The following SAMD4A variants were observed in gnomAD, a reference collection of about 807,000 sequenced individuals.
The protein encoded by SAMD4A is sterile alpha motif domain containing 4A.
SAMD4A carries 33 observed loss-of-function variants against 81.3 expected under a neutral mutation model. The ratio of observed to expected loss-of-function variants is 0.41; its 90% CI spans 0.31 to 0.54. The LOEUF (loss-of-function observed/expected upper bound fraction) is 0.54, where lower values mean the gene tolerates loss of function less well. Ranked by LOEUF, SAMD4A falls within the 20% of genes least tolerant of loss-of-function variation. SAMD4A has a pLI of 0.37. For synonymous variants in SAMD4A, 389 were observed against 382.1 expected, an observed-to-expected ratio of 1.02 and a Z score of -0.21; for missense variants, 854 against 951.1, an observed-to-expected ratio of 0.90 and a Z score of 1.34.
At chr14:54,730,313 G>A (rs1470846765) in intron 3 of SAMD4A, among the ~76,000 whole-genome samples, 1 of 152,146 alleles carries the variant, frequency 6.6e-6, no homozygotes, top group Non-Finnish European at 1.5e-5. Flanking sequence ...GTGTGTATTT[G>A]TCATCCCTGT....
intron 3 of SAMD4A, among the ~76,000 whole-genome samples, chr14:54,733,840 A>C (rs1481806449): frequency 6.6e-6 from 1 of 151,930 alleles, no homozygotes; most frequent in Non-Finnish European, 1.5e-5. Context: ...AAAAAAAAAA[A>C]ACTTCTGCCC....
intron 2 of SAMD4A, among the ~76,000 whole-genome samples, chr14:54,598,328 A>G (rs771926987): frequency 1.3e-5 from 2 of 152,214 alleles, no homozygotes; most frequent in African/African-American, 2.4e-5. Context: ...CTACAAATAT[A>G]TACATGTAGT....
intron 2 of SAMD4A, among the ~76,000 whole-genome samples, chr14:54,657,150 C>T (rs1054908621): frequency 6.6e-6 from 1 of 152,138 alleles, no homozygotes. Flanking sequence ...ACTAAACTCA[C>T]AGTGATAAAT....
chr14:54,688,083 C>T, intron 2 of SAMD4A: 1 of 985,508 alleles, frequency 1.0e-6, no homozygotes, highest in South Asian at 4.7e-5. Flanking sequence ...TCCATCAACT[C>T]ACAAATTTTT....
chr14:54,745,526 G>A (rs551197551), intron 4 of SAMD4A, among the ~76,000 whole-genome samples: 5 of 152,220 alleles, frequency 3.3e-5, no homozygotes, highest in South Asian at 2.1e-4. Flanking sequence ...TATACTCAGC[G>A]CTTGTCCTAT....
chr14:54,607,449 A>G (rs1468781488), intron 2 of SAMD4A, among the ~76,000 whole-genome samples: 2 of 149,676 alleles, frequency 1.3e-5, no homozygotes, highest in Non-Finnish European at 3.0e-5. Flanking sequence ...TCAGGAGTTC[A>G]AGGTCTCATT....
intron 2 of SAMD4A, among the ~76,000 whole-genome samples, chr14:54,624,095 C>T (rs886933799): frequency 6.6e-6 from 1 of 152,188 alleles, no homozygotes; most frequent in Admixed American, 6.5e-5. Flanking sequence ...CTTGTCTCAG[C>T]CTCCCGAGTA....
At chr14:54,600,228 C>T (rs1263930066) in intron 2 of SAMD4A, among the ~76,000 whole-genome samples, 3 of 152,294 alleles carry the variant, frequency 2.0e-5, no homozygotes, top group South Asian at 4.1e-4. Context: ...AAACCAGGCA[C>T]CTTCTCCTGA....
rs151235759 is a variant in SAMD4A at position 54,768,516 on chromosome 14, C to T, written c.1597-1588C>T. Reference sequence around the variant, plus strand: ...GAGCCTTCCTCTGGCCCACAACTCTCCTCCCCAGGTCACCCTGACCAGCAT... The same window carrying T: ...GAGCCTTCCTCTGGCCCACAACTCTTCTCCCCAGGTCACCCTGACCAGCAT... On this transcript the variant is annotated intron_variant, in intron 8 of 12. Coordinates refer to ENST00000554335, the MANE Select transcript of SAMD4A (RefSeq NM_015589.6). 3.3e-4 allele frequency among the ~76,000 whole-genome samples: 50 copies of T among 152,344 alleles called. 1 individual carries two copies. In the East Asian group the frequency reaches 9.6e-3, roughly 29 times the overall value.
chr14:54,784,422 G>A (rs780308225), intron 11 of SAMD4A, 115 bp from the exon 12 acceptor site: 10 of 1,608,300 alleles, frequency 6.2e-6, no homozygotes, highest in Non-Finnish European at 8.5e-6. Context: ...TGCCAGCGCT[G>A]ACAGTCCCCA....
At chr14:54,589,739 C>T (rs1244428425) in intron 2 of SAMD4A, among the ~76,000 whole-genome samples, 1 of 152,166 alleles carries the variant, frequency 6.6e-6, no homozygotes, top group Admixed American at 6.5e-5. Context: ...AAGTCCATTG[C>T]CCTGATTTAT....
chr14:54,661,174 TA>T (rs2035635011), intron 2 of SAMD4A, among the ~76,000 whole-genome samples: 1 of 152,372 alleles, frequency 6.6e-6, no homozygotes, highest in South Asian at 2.1e-4. Flanking sequence ...AAGTGCTTTA[TA>T]AATAGAAAAG....
At chr14:54,708,248 A>G (rs771101887) in intron 3 of SAMD4A, among the ~76,000 whole-genome samples, 1 of 152,172 alleles carries the variant, frequency 6.6e-6, no homozygotes, top group Non-Finnish European at 1.5e-5. Context: ...TTTGAAGGAG[A>G]GGATTGAAGG....
Position 54,605,384 on chromosome 14 carries a change from C to T in SAMD4A, c.196+37272C>T, listed in dbSNP as rs565549138. ...GCATGATTGGGGCATTGAAGTACTA[C>T]ACTTTGATTTCTGATGTGAATTATT... On this transcript the variant is annotated intron_variant, in intron 2 of 12. Transcript: ENST00000554335. Among the ~76,000 whole-genome samples the T allele has an allele frequency of 5.9e-5, 9 of 152,274 alleles. No homozygotes were observed. The East Asian group carries it at 1.7e-3, about 29-fold the overall frequency.
intron 6 of SAMD4A, among the ~76,000 whole-genome samples, chr14:54,755,425 A>G (rs1453165988): frequency 6.6e-6 from 1 of 151,926 alleles, no homozygotes; most frequent in African/African-American, 2.4e-5. Context: ...GATAATAGGT[A>G]CTCCCCAGAA....
intron 3 of SAMD4A, among the ~76,000 whole-genome samples, chr14:54,732,747 T>C (rs1271096332): frequency 6.6e-6 from 1 of 152,200 alleles, no homozygotes; most frequent in Non-Finnish European, 1.5e-5. Context: ...GGTATGTATT[T>C]AACCTAACAA....
chr14:54,667,355 G>T (rs2035778792), intron 2 of SAMD4A, among the ~76,000 whole-genome samples: 1 of 152,158 alleles, frequency 6.6e-6, no homozygotes, highest in Admixed American at 6.5e-5. Flanking sequence ...ATCCATGATT[G>T]GTGGCTTTGA....
chr14:54,689,034 C>T (rs780490321), intron 2 of SAMD4A, among the ~76,000 whole-genome samples: 4 of 150,750 alleles, frequency 2.7e-5, no homozygotes, highest in Admixed American at 1.3e-4. Context: ...CGAGTTCAAG[C>T]GATTCTTCTG....
chr14:54,680,274 G>T (rs1251439637), intron 2 of SAMD4A, among the ~76,000 whole-genome samples: 3 of 152,216 alleles, frequency 2.0e-5, no homozygotes, highest in Non-Finnish European at 4.4e-5. Flanking sequence ...AAAAGTCACT[G>T]CTCAGAAAAT....
Sources: allele counts gnomAD v4.1 joint callset (sites outside exome capture counted in the v4.1 genomes callset), GRCh38; gene constraint gnomAD v4.1.1; transcripts MANE v1.5; gene names NCBI Gene and HGNC (gene_info 2026-07-23, HGNC 2026-07-21).